Variants in TIMELESS observed in about 807,000 individuals in gnomAD.
TIMELESS encodes timeless circadian regulator.
In TIMELESS, 124 loss-of-function variants were observed where a neutral mutation model predicts 164.3. That is an observed-to-expected ratio of 0.75 (90% CI 0.65 to 0.88). TIMELESS has a LOEUF of 0.88. TIMELESS is among the 40% of genes least tolerant of loss of function. The pLI is 0.00. For synonymous variants in TIMELESS, 564 were observed against 563.4 expected (o/e 1.00, Z -0.02); for missense variants, 1,422 against 1,491.4 (o/e 0.95, Z 0.77).
intron 13 of TIMELESS, among the ~76,000 whole-genome samples, chr12:56,427,349 C>T (rs2136138849): frequency 6.6e-6 from 1 of 152,274 alleles, no homozygotes; most frequent in East Asian, 1.9e-4. Context: ...TCTCAAACTC[C>T]TGGCCTCAAA....
chr12:56,420,095 GTATATA>G (rs1179630442), intron 26 of TIMELESS, among the ~76,000 whole-genome samples: 1 of 124,154 alleles, frequency 8.1e-6, no homozygotes, highest in Non-Finnish European at 1.6e-5. Flanking sequence ...TAAATAAAAT[GTATATA>G]TATATATTTA....
Position 56,432,411 on chromosome 12 carries a change from G to C in TIMELESS, c.645C>G (p.Ser215Arg), listed in dbSNP as rs1475754574. 6.8e-6 allele frequency: 11 copies of C among 1,614,208 alleles called. No individual in the cohort carries two copies. The highest frequency in any genetic ancestry group is 3.3e-5 in the Admixed American group (2 of 60,034). Residue 215 changes from serine (S) to arginine (R), a missense_variant, in exon 7 of 29, where the codon AGC becomes AGG. Physicochemically the swap from Ser to Arg is moderately radical, Grantham distance 110. Coordinates refer to ENST00000553532, the MANE Select transcript of TIMELESS (RefSeq NM_003920.5). ...GGGAGACAATCTCTAGCACATGTAGGCTCCATTGCTCCTCAGCAGACGAGC... is the reference window on the plus strand; with the variant it reads ...GGGAGACAATCTCTAGCACATGTAGCCTCCATTGCTCCTCAGCAGACGAGC... ...LASSSAEEQW[S>R]LHVLEIVSLM...
At chr12:56,443,564 T>A (rs1375393943) in intron 1 of TIMELESS, among the ~76,000 whole-genome samples, 1 of 152,194 alleles carries the variant, frequency 6.6e-6, no homozygotes, top group Non-Finnish European at 1.5e-5. Flanking sequence ...CCCTTTTGCC[T>A]TGTGATCTTT....
intron 1 of TIMELESS, among the ~76,000 whole-genome samples, chr12:56,443,570 T>C (rs1868307932): frequency 6.6e-6 from 1 of 152,214 alleles, no homozygotes; most frequent in Admixed American, 6.5e-5. Context: ...TGCCTTGTGA[T>C]CTTTTATTGC....
chr12:56,431,022 T>C (rs1881858700), intron 8 of TIMELESS, 54 bp from the exon 9 acceptor site: 2 of 1,261,088 alleles, frequency 1.6e-6, no homozygotes, highest in East Asian at 2.6e-5. Flanking sequence ...AAACTTTATC[T>C]CCATTCTCTA....
intron 12 of TIMELESS, 35 bp from the exon 13 acceptor site, chr12:56,428,440 A>G (rs1166640216): frequency 6.2e-7 from 1 of 1,606,384 alleles, no homozygotes; most frequent in Admixed American, 1.7e-5. Context: ...TGGAAGGGCT[A>G]TTCTGGAAAG....
chr12:56,417,913 T>C lies in TIMELESS; in HGVS notation c.3550A>G (p.Asn1184Asp). Residue 1184 changes from asparagine (N) to aspartate (D), a missense_variant, in exon 28 of 29, where the codon AAC becomes GAC. Physicochemically the swap from Asn to Asp is conservative, Grantham distance 23. Coordinates refer to ENST00000553532, the MANE Select transcript of TIMELESS (RefSeq NM_003920.5). ...GTCCCATCAAATTCCCTACCTCTGT[T>C]CCTGCCCTCATCTTCTTCCTGTTCC... ...DEEQEEDEGR[N>D]RAPELGAPGI... 3.7e-6 allele frequency: 6 copies of C among 1,614,228 alleles called. No homozygotes were observed. Among genetic ancestry groups the C allele is most frequent in the Non-Finnish European group, 5.1e-6 (6 of 1,180,032 alleles).
At chr12:56,447,509 T>G (rs1868377975) in intron 1 of TIMELESS, among the ~76,000 whole-genome samples, 1 of 152,046 alleles carries the variant, frequency 6.6e-6, no homozygotes, top group Admixed American at 6.5e-5. Flanking sequence ...ATGGTGTGAG[T>G]GCAGTGAGAG....
chr12:56,445,816 T>C (rs965267017), intron 1 of TIMELESS, among the ~76,000 whole-genome samples: 1 of 152,316 alleles, frequency 6.6e-6, no homozygotes, highest in South Asian at 2.1e-4. Context: ...CTGTCTATCC[T>C]TCTATCCCAA....
chr12:56,447,194 T>C (rs1265961553), intron 1 of TIMELESS, among the ~76,000 whole-genome samples: 1 of 146,920 alleles, frequency 6.8e-6, no homozygotes, highest in East Asian at 2.0e-4. Context: ...TTTTTTTTTT[T>C]TTTTTTTTTT....
At chr12:56,442,533 C>CTACT (rs1266764916) in intron 1 of TIMELESS, among the ~76,000 whole-genome samples, 1 of 152,232 alleles carries the variant, frequency 6.6e-6, no homozygotes. Context: ...ACATATCCTA[C>CTACT]TACTGTATCA....
intron 19 of TIMELESS, 166 bp from the exon 20 acceptor site, chr12:56,422,357 T>TCCACGTAAGAACCTAAAAGAA (rs1881526601): frequency 1.7e-6 from 1 of 603,636 alleles, no homozygotes; most frequent in African/African-American, 1.8e-5. Flanking sequence ...TCACTTTCCT[T>TCCACGTAAGAACCTAAAAGAA]CCACGTAAGA....
chr12:56,425,841 C>T (rs912127439), intron 13 of TIMELESS, among the ~76,000 whole-genome samples: 2 of 151,920 alleles, frequency 1.3e-5, no homozygotes, highest in Non-Finnish European at 2.9e-5. Flanking sequence ...AGCCACTGCA[C>T]TCCAGCTTAG....
At chr12:56,421,167 T>C (rs775174717) in intron 23 of TIMELESS, 33 bp from the exon 24 acceptor site, 3 of 1,612,826 alleles carry the variant, frequency 1.9e-6, no homozygotes, top group Middle Eastern at 1.7e-4. Flanking sequence ...GGAATGAAAA[T>C]GAAGGCAACA....
Position 56,425,016 on chromosome 12 carries a change from T to A in TIMELESS, c.1715A>T (p.Gln572Leu). The change falls in exon 14 of 29, where the codon CAG becomes CTG. Residue 572 changes from glutamine to leucine, a missense_variant and splice_region_variant. Coordinates refer to ENST00000553532, the MANE Select transcript of TIMELESS (RefSeq NM_003920.5). ...ALAEQLQCCA[Q>L]NSELSMDSVV... ...GACAGGGTTTCTGTAACCACCTACCTGGGCACAGCACTGTAGCTGCTCAGC... is the reference window on the plus strand; with the variant it reads ...GACAGGGTTTCTGTAACCACCTACCAGGGCACAGCACTGTAGCTGCTCAGC... 1 of 1,614,206 alleles carries A rather than the reference T, an allele frequency of 6.2e-7. No individual in the cohort carries two copies. Among genetic ancestry groups the A allele is most frequent in the Non-Finnish European group, 8.5e-7 (1 of 1,180,026 alleles).
chr12:56,438,032 G>T (rs1417987558), intron 1 of TIMELESS, among the ~76,000 whole-genome samples: 2 of 152,044 alleles, frequency 1.3e-5, no homozygotes, highest in African/African-American at 4.8e-5. Flanking sequence ...GTTAATACTG[G>T]GCTTGATAAA....
intron 9 of TIMELESS, 93 bp from the exon 10 acceptor site, chr12:56,430,374 T>C: frequency 1.4e-6 from 2 of 1,460,412 alleles, no homozygotes; most frequent in Non-Finnish European, 9.2e-7. Context: ...CTAATTTTTG[T>C]TTTTCTTTTG....
At chr12:56,447,013 ATTT>A (rs763253463) in intron 1 of TIMELESS, among the ~76,000 whole-genome samples, 1 of 139,414 alleles carries the variant, frequency 7.2e-6, no homozygotes. Context: ...AATTCTTTTT[ATTT>A]TTTTTTTTTT....
chr12:56,427,459 T>C (rs1292015555), intron 13 of TIMELESS, among the ~76,000 whole-genome samples: 4 of 152,228 alleles, frequency 2.6e-5, no homozygotes, highest in Non-Finnish European at 5.9e-5. Flanking sequence ...TTTGGGTTCA[T>C]GGACAACTGT....
Sources: gnomAD v4.1 joint callset for allele counts (sites outside exome capture counted in the v4.1 genomes callset) on GRCh38, gnomAD v4.1.1 for gene constraint, MANE v1.5 for transcripts, NCBI Gene and HGNC (gene_info 2026-07-23, HGNC 2026-07-21) for gene names.